HTR2A: variants seen among roughly 807,000 people sequenced by gnomAD.
The protein encoded by HTR2A is 5-HT2 receptor.
A neutral mutation model predicts 31.0 loss-of-function variants in HTR2A; 14 were observed. The ratio of observed to expected loss-of-function variants is 0.45; its 90% CI spans 0.30 to 0.71. The LOEUF (loss-of-function observed/expected upper bound fraction) is 0.71. Ranked by LOEUF, HTR2A falls within the 30% of genes least tolerant of loss-of-function variation. The pLI, the probability that HTR2A is intolerant of heterozygous loss-of-function variation, is 0.09. For missense variants in HTR2A, 442 were observed against 573.3 expected (o/e 0.77, Z 2.34); for synonymous variants, 209 against 225.2 (o/e 0.93, Z 0.64).
At chr13:46,873,598 C>A (rs4090088) in intron 3 of HTR2A, among the ~76,000 whole-genome samples, 74,939 of 151,186 alleles carry the variant, frequency 0.5, 18,772 homozygotes, top group East Asian at 0.74. Flanking sequence ...CCTACCCCCT[C>A]CCCCTACCCC....
chr13:46,838,970 A>G (rs1950578227), intron 3 of HTR2A, among the ~76,000 whole-genome samples: 2 of 133,716 alleles, frequency 1.5e-5, no homozygotes, highest in South Asian at 4.9e-4. Context: ...TTGGTTGGAC[A>G]CACACATACA....
At chr13:46,887,841 A>C (rs1951019545) in intron 3 of HTR2A, among the ~76,000 whole-genome samples, 1 of 151,942 alleles carries the variant, frequency 6.6e-6, no homozygotes, top group Non-Finnish European at 1.5e-5. Flanking sequence ...GCATGTTCTC[A>C]CTAATATGTG....
chr13:46,883,081 G>T (rs2183056), intron 3 of HTR2A, among the ~76,000 whole-genome samples: 1 of 152,214 alleles, frequency 6.6e-6, no homozygotes, highest in African/African-American at 2.4e-5. Context: ...AAAACCATGG[G>T]CAGCCAATTA....
At chr13:46,866,553 T>A (rs1950819758) in intron 3 of HTR2A, among the ~76,000 whole-genome samples, 1 of 152,226 alleles carries the variant, frequency 6.6e-6, no homozygotes, top group Admixed American at 6.5e-5. Context: ...AGGTACTTAG[T>A]CTCTTTGAAA....
At chr13:46,891,164 T>C (rs984468043) in intron 3 of HTR2A, among the ~76,000 whole-genome samples, 1 of 152,224 alleles carries the variant, frequency 6.6e-6, no homozygotes, top group African/African-American at 2.4e-5. Context: ...ATTTATCAAA[T>C]AAGCACCATA....
chr13:46,858,286 C>A (rs1593433434), intron 3 of HTR2A, among the ~76,000 whole-genome samples: 1 of 151,886 alleles, frequency 6.6e-6, no homozygotes, highest in East Asian at 1.9e-4. Flanking sequence ...ATCTGACGAC[C>A]CCTCTCTCAG....
intron 3 of HTR2A, among the ~76,000 whole-genome samples, chr13:46,875,793 A>T (rs1434715512): frequency 2.6e-5 from 4 of 152,198 alleles, no homozygotes; most frequent in Admixed American, 2.6e-4. Flanking sequence ...TTCATCCAGG[A>T]CTCCAAAGTG....
chr13:46,844,640 A>AT lies in HTR2A; in HGVS notation c.614-9002dup, dbSNP rs1416983035. Among the ~76,000 whole-genome samples the AT allele has an allele frequency of 2.6e-5, 4 of 152,238 alleles. No individual in the cohort carries two copies. In the East Asian group the frequency reaches 7.7e-4, roughly 29 times the overall value. ...CTCATATCCTGGATCTAGGCCCGTT[A>AT]TTTTTCACAAAGTGTCTTTCAGGTA... On this transcript the variant is annotated intron_variant, in intron 3 of 3. Coordinates refer to ENST00000542664, the MANE Select transcript of HTR2A (RefSeq NM_000621.5).
Position 46,879,131 on chromosome 13 carries a change from G to A in HTR2A, c.613+13259C>T, listed in dbSNP as rs531474774. Reference sequence around the variant, plus strand: ...GGGCATTCTCCAAGGGCTGAAATCTGAGGGAGCTTTGCTTGGCAGTGCTCC... The same window carrying A: ...GGGCATTCTCCAAGGGCTGAAATCTAAGGGAGCTTTGCTTGGCAGTGCTCC... On this transcript the variant is annotated intron_variant, in intron 3 of 3. Transcript: ENST00000542664. Among the ~76,000 whole-genome samples the A allele has an allele frequency of 3.9e-5, 6 of 152,320 alleles. No individual in the cohort carries two copies. In the South Asian group the frequency reaches 1.0e-3, roughly 26 times the overall value.
chr13:46,879,136 A>C (rs2138237595), intron 3 of HTR2A, among the ~76,000 whole-genome samples: 1 of 152,290 alleles, frequency 6.6e-6, no homozygotes, highest in South Asian at 2.1e-4. Context: ...AATCTGAGGG[A>C]GCTTTGCTTG....
At chr13:46,888,354 A>G (rs1257602738) in intron 3 of HTR2A, among the ~76,000 whole-genome samples, 1 of 152,204 alleles carries the variant, frequency 6.6e-6, no homozygotes, top group Non-Finnish European at 1.5e-5. Context: ...ATTCTGAAGC[A>G]GCAGGGCGTG....
chr13:46,885,693 A>G (rs1951000473), intron 3 of HTR2A, among the ~76,000 whole-genome samples: 3 of 152,216 alleles, frequency 2.0e-5, no homozygotes, highest in Non-Finnish European at 4.4e-5. Flanking sequence ...TCACATTTCC[A>G]CAAGCAGGGT....
intron 3 of HTR2A, chr13:46,856,041 T>C (rs1240378922): frequency 6.6e-6 from 1 of 152,214 alleles, no homozygotes; most frequent in Non-Finnish European, 1.5e-5. Context: ...ACAGGTAGAA[T>C]AAAGCAATCC....
rs898437133 is a variant in HTR2A, at chr13:46,896,011, G to A, written c.-105C>T. 1 of 1,482,218 alleles carries A rather than the reference G, an allele frequency of 6.7e-7. No homozygotes were observed. Among genetic ancestry groups the A allele is most frequent in the Middle Eastern group, 2.5e-4 (1 of 3,952 alleles). The allele number at this position is 1,482,218 out of a possible 1,614,324, so 91.8% of individuals were successfully genotyped here. On this transcript the variant is annotated 5_prime_UTR_variant, in exon 2 of 4. It introduces an in-frame stop codon into an upstream open reading frame of the 5' UTR. Transcript: ENST00000542664. ...ACCCACACTCTGTAACACTGAGGCT[G>A]GTGTACATGCTGTTCTCCCGGGGCT...
intron 3 of HTR2A, among the ~76,000 whole-genome samples, chr13:46,859,729 T>C (rs1447251873): frequency 1.3e-5 from 2 of 152,154 alleles, no homozygotes; most frequent in Non-Finnish European, 2.9e-5. Context: ...CCATGCTTCC[T>C]GTACAGCCTG....
intron 3 of HTR2A, among the ~76,000 whole-genome samples, chr13:46,876,619 T>C (rs113940164): frequency 0.032 from 4,929 of 151,866 alleles, 260 homozygotes; most frequent in African/African-American, 0.11. Context: ...GGTTTCACTG[T>C]GTTAGCCAGG....
In HTR2A at chr13:46,831,596, T is replaced by G. The variant is rs1376901342; in HGVS notation, c.*3241A>C. On this transcript the variant is annotated 3_prime_UTR_variant, in exon 4 of 4. Coordinates refer to ENST00000542664, the MANE Select transcript of HTR2A (RefSeq NM_000621.5). ...CAGTTATTTATCCTTTCTTGAAAACTTTTAGCATCGCCTTGATTAAAATAA... is the reference window on the plus strand; with the variant it reads ...CAGTTATTTATCCTTTCTTGAAAACGTTTAGCATCGCCTTGATTAAAATAA... 1 of 152,274 alleles carries G rather than the reference T, an allele frequency of 6.6e-6. No individual in the cohort carries two copies. Among genetic ancestry groups the G allele is most frequent in the Non-Finnish European group, 1.5e-5 (1 of 68,046 alleles). 9.4% of individuals were successfully genotyped at this position (152,274 alleles called of 1,614,324 possible).
At chr13:46,853,040 A>G (rs1265421682) in intron 3 of HTR2A, among the ~76,000 whole-genome samples, 1 of 150,538 alleles carries the variant, frequency 6.6e-6, no homozygotes, top group Admixed American at 6.6e-5. Flanking sequence ...ATAGTGCATT[A>G]TTCTGAATTG....
chr13:46,868,960 TATG>T (rs1197802258), intron 3 of HTR2A, among the ~76,000 whole-genome samples: 1 of 152,170 alleles, frequency 6.6e-6, no homozygotes, highest in Non-Finnish European at 1.5e-5. Flanking sequence ...TGACTGGACT[TATG>T]GTGATAAAGT....
Sources: allele counts gnomAD v4.1 joint callset (sites outside exome capture counted in the v4.1 genomes callset), GRCh38; gene constraint gnomAD v4.1.1; transcripts MANE v1.5; gene names NCBI Gene and HGNC (gene_info 2026-07-23, HGNC 2026-07-21).